Variants in ZC3H12B observed in about 807,000 individuals in gnomAD.
ZC3H12B encodes zinc finger CCCH-type containing 12B, also known as probable ribonuclease ZC3H12B.
A neutral mutation model predicts 43.9 loss-of-function variants in ZC3H12B; 7 were observed. That is an observed-to-expected ratio of 0.16 (90% CI 0.09 to 0.30). ZC3H12B has a LOEUF of 0.30. ZC3H12B is among the 10% of genes least tolerant of loss of function. The pLI is 1.00. For missense variants in ZC3H12B, 475 were observed against 670.2 expected, an observed-to-expected ratio of 0.71 and a Z score of 3.22; for synonymous variants, 222 against 241.7, an observed-to-expected ratio of 0.92 and a Z score of 0.76.
At chrX:65,127,825 C>T in the ZC3H12B span, among the ~76,000 whole-genome samples, 2 of 110,953 alleles carry the variant, frequency 1.8e-5, no homozygotes, top group African/African-American at 6.6e-5. Flanking sequence ...TCACAGGCCT[C>T]ACCCCCCTCC....
At chrX:65,101,158 T>C in the ZC3H12B span, among the ~76,000 whole-genome samples, 1 of 111,590 alleles carries the variant, frequency 9.0e-6, no homozygotes, top group Non-Finnish European at 1.9e-5. Flanking sequence ...GGGCACATAA[T>C]GAAATTAACG....
At chrX:65,240,993 G>A in the ZC3H12B span, among the ~76,000 whole-genome samples, 1 of 111,555 alleles carries the variant, frequency 9.0e-6, no homozygotes, top group Non-Finnish European at 1.9e-5. Flanking sequence ...GGTGTCTGGA[G>A]ACCCCTGTTG....
chrX:65,283,522 G>A, the ZC3H12B span, among the ~76,000 whole-genome samples: 19 of 111,463 alleles, frequency 1.7e-4, no homozygotes, highest in African/African-American at 5.2e-4. Flanking sequence ...TAGGAAAAGA[G>A]GAAGTCAAAT....
chrX:65,176,070 G>C, the ZC3H12B span, among the ~76,000 whole-genome samples: 1 of 111,875 alleles, frequency 8.9e-6, no homozygotes, highest in African/African-American at 3.3e-5. Flanking sequence ...GGAGGCTGAA[G>C]CCAGGGAGCC....
the ZC3H12B span, among the ~76,000 whole-genome samples, chrX:65,063,799 G>A: frequency 1.8e-5 from 2 of 111,227 alleles, no homozygotes; most frequent in Non-Finnish European, 3.8e-5. Context: ...GGCTTTTTTT[G>A]GTTGATAAGC....
the ZC3H12B span, among the ~76,000 whole-genome samples, chrX:65,163,840 C>T: frequency 2.3e-3 from 254 of 112,200 alleles, 1 homozygote; most frequent in African/African-American, 7.8e-3. Flanking sequence ...GATGGAAATT[C>T]AGAAATCACG....
At chrX:65,127,417 A>G in the ZC3H12B span, among the ~76,000 whole-genome samples, 1 of 111,522 alleles carries the variant, frequency 9.0e-6, no homozygotes, top group African/African-American at 3.3e-5. Context: ...GGAGAGTGAA[A>G]TGGACTCTAG....
At chrX:65,271,793 G>T in the ZC3H12B span, 2 of 154,890 alleles carry the variant, frequency 1.3e-5, no homozygotes, top group South Asian at 1.5e-4. Flanking sequence ...CCAAAAGGTG[G>T]AAAATTCTGG....
At chrX:65,280,957 A>C in the ZC3H12B span, among the ~76,000 whole-genome samples, 3 of 112,129 alleles carry the variant, frequency 2.7e-5, no homozygotes, top group Non-Finnish European at 3.8e-5. Context: ...AATACAACCC[A>C]AAGCAATCTA....
At chrX:65,373,960 CTGTATATATAG>C (rs1179847796) in intron 2 of ZC3H12B, among the ~76,000 whole-genome samples, 1 of 45,583 alleles carries the variant, frequency 2.2e-5, no homozygotes, top group African/African-American at 2.1e-4. Context: ...TATATATATA[CTGTATATATAG>C]TATATATATA....
chrX:65,393,627 A>G (rs1231862572), intron 2 of ZC3H12B, among the ~76,000 whole-genome samples: 2 of 111,947 alleles, frequency 1.8e-5, no homozygotes, highest in Non-Finnish European at 3.8e-5. Flanking sequence ...ATAATATTTC[A>G]TGGTGTATAA....
At chrX:65,447,565 C>A (rs1293751964) in intron 3 of ZC3H12B, among the ~76,000 whole-genome samples, 1 of 111,560 alleles carries the variant, frequency 9.0e-6, no homozygotes, top group Non-Finnish European at 1.9e-5. Flanking sequence ...AAAGCAAATC[C>A]AACTATAACA....
At chrX:65,253,510 G>A in the ZC3H12B span, among the ~76,000 whole-genome samples, 3 of 111,983 alleles carry the variant, frequency 2.7e-5, no homozygotes, top group Non-Finnish European at 5.6e-5. Context: ...ACAGCCAGGG[G>A]CTCCCATAGC....
the ZC3H12B span, among the ~76,000 whole-genome samples, chrX:65,343,635 T>G: frequency 8.9e-6 from 1 of 112,278 alleles, no homozygotes; most frequent in Non-Finnish European, 1.9e-5. Context: ...ACCGCTTCAT[T>G]TTAAAAACTC....
At chrX:65,339,670 C>T in the ZC3H12B span, among the ~76,000 whole-genome samples, 1 of 111,371 alleles carries the variant, frequency 9.0e-6, no homozygotes, top group Non-Finnish European at 1.9e-5. Context: ...CCTGAGCACC[C>T]CTTGGTGTGC....
At chrX:65,060,146 A>G in the ZC3H12B span, among the ~76,000 whole-genome samples, 2 of 112,443 alleles carry the variant, frequency 1.8e-5, no homozygotes, top group East Asian at 5.6e-4. Context: ...ATAAGATCAT[A>G]TCATCTGCAA....
chrX:65,492,534 AT>A (rs1286439355), intron 1 of ZC3H12B, among the ~76,000 whole-genome samples: 1 of 111,559 alleles, frequency 9.0e-6, no homozygotes, highest in South Asian at 3.8e-4. Context: ...AGACCATGTA[AT>A]TTTTTTTAAA....
chrX:65,371,115 T>G (rs2066238649), intron 2 of ZC3H12B, among the ~76,000 whole-genome samples: 1 of 111,790 alleles, frequency 8.9e-6, no homozygotes, highest in Admixed American at 9.5e-5. Context: ...ATATATTGAA[T>G]TTTTAGGATG....
the ZC3H12B span, among the ~76,000 whole-genome samples, chrX:65,324,709 G>A: frequency 9.0e-6 from 1 of 110,930 alleles, no homozygotes; most frequent in East Asian, 2.8e-4. Context: ...TCCTCTTGTG[G>A]CTTAACCTAT....
Sources: gnomAD v4.1 joint callset for allele counts (sites outside exome capture counted in the v4.1 genomes callset) on GRCh38, gnomAD v4.1.1 for gene constraint, MANE v1.5 for transcripts, NCBI Gene and HGNC (gene_info 2026-07-23, HGNC 2026-07-21) for gene names.